The following TBX20 variants were observed in gnomAD, a reference collection of about 807,000 sequenced individuals.
The protein encoded by TBX20 is T-box transcription factor TBX20.
A neutral mutation model predicts 42.9 loss-of-function variants in TBX20; 8 were observed. The ratio of observed to expected loss-of-function variants is 0.19; its 90% CI spans 0.11 to 0.34. The LOEUF (loss-of-function observed/expected upper bound fraction) is 0.34, where lower values mean the gene tolerates loss of function less well. Ranked by LOEUF, TBX20 falls within the 10% of genes least tolerant of loss-of-function variation. TBX20 has a pLI of 1.00. For missense variants in TBX20, 411 were observed against 566.0 expected (o/e 0.73, Z 2.78); for synonymous variants, 198 against 222.8 (o/e 0.89, Z 0.99).
At chr7:35,246,251 T>A (rs1790183666) in intron 3 of TBX20, among the ~76,000 whole-genome samples, 1 of 152,196 alleles carries the variant, frequency 6.6e-6, no homozygotes, top group Admixed American at 6.5e-5. Flanking sequence ...AGAGGAACTG[T>A]AAAGGCTTCA....
intron 6 of TBX20, among the ~76,000 whole-genome samples, chr7:35,215,966 A>C (rs1043504621): frequency 6.6e-6 from 1 of 152,196 alleles, no homozygotes; most frequent in Non-Finnish European, 1.5e-5. Flanking sequence ...AAATTTCTCA[A>C]TGCTCAAAAA....
chr7:35,202,821 T>C (rs1789328333), intron 7 of TBX20, 51 bp from the exon 8 acceptor site: 2 of 1,519,336 alleles, frequency 1.3e-6, no homozygotes, highest in African/African-American at 1.4e-5. Context: ...AATGTACAGA[T>C]CAAGAATTAA....
At chr7:35,244,721 A>G (rs957139474) in intron 4 of TBX20, among the ~76,000 whole-genome samples, 1 of 152,194 alleles carries the variant, frequency 6.6e-6, no homozygotes, top group African/African-American at 2.4e-5. Context: ...GGAACAGAAG[A>G]TCCCTGACCT....
chr7:35,223,794 T>A (rs1350423239), intron 6 of TBX20, among the ~76,000 whole-genome samples: 9 of 152,016 alleles, frequency 5.9e-5, no homozygotes, highest in Non-Finnish European at 2.9e-5. Flanking sequence ...AAAGAGAACA[T>A]ACAAAAGTTT....
At position 35,202,506 on chromosome 7, in the gene TBX20, T is replaced by A; in HGVS notation, c.1268A>T (p.His423Leu). ...AGCATAGGGCCCCTGCTGAAAATAG[T>A]GATGGTATCGCGGCATGTGGAATGA... Reference protein sequence around the residue: ...FPSFHMPRYHHYFQQGPYAAI... With the variant: ...FPSFHMPRYHLYFQQGPYAAI... The change falls in exon 8 of 8, where the codon CAC (histidine) becomes CTC (leucine). Residue 423 changes from histidine (H) to leucine (L), a missense_variant. His to Leu is a moderately conservative substitution (Grantham distance 99, BLOSUM62 -3). Coordinates refer to ENST00000408931, the MANE Select transcript of TBX20 (RefSeq NM_001077653.2). 6.2e-7 allele frequency: 1 copy of A among 1,609,416 alleles called. No individual in the cohort carries two copies. The highest frequency in any genetic ancestry group is 1.7e-5 in the Admixed American group (1 of 59,568).
intron 1 of TBX20, 39 bp downstream of exon 1, chr7:35,253,455 T>C: frequency 6.3e-7 from 1 of 1,592,966 alleles, no homozygotes; most frequent in Non-Finnish European, 8.5e-7. Context: ...ATGCGCAGCA[T>C]CCCCAGTCCT....
At chr7:35,252,348 C>T (rs1790320516) in intron 1 of TBX20, among the ~76,000 whole-genome samples, 1 of 150,712 alleles carries the variant, frequency 6.6e-6, no homozygotes, top group South Asian at 2.1e-4. Context: ...GTGGGAAGAA[C>T]CAGGGGAAGG....
chr7:35,245,348 G>GTGTGTGTGTA (rs1419209151), intron 3 of TBX20, among the ~76,000 whole-genome samples: 1 of 151,654 alleles, frequency 6.6e-6, no homozygotes, highest in Non-Finnish European at 1.5e-5. Flanking sequence ...GTGTGTGTGT[G>GTGTGTGTGTA]TTTTCATCTA....
intron 6 of TBX20, among the ~76,000 whole-genome samples, chr7:35,209,371 T>C (rs1276060410): frequency 1.3e-5 from 2 of 152,178 alleles, no homozygotes; most frequent in Non-Finnish European, 2.9e-5. Context: ...AGAGTATCTG[T>C]TTTCTCTTGA....
At chr7:35,223,504 T>C (rs931838254) in intron 6 of TBX20, among the ~76,000 whole-genome samples, 3 of 151,524 alleles carry the variant, frequency 2.0e-5, no homozygotes, top group African/African-American at 7.3e-5. Context: ...ATGAATGAGA[T>C]GAGGAGGAGC....
chr7:35,227,931 T>C (rs1354830923), intron 6 of TBX20, among the ~76,000 whole-genome samples: 1 of 152,192 alleles, frequency 6.6e-6, no homozygotes, highest in Non-Finnish European at 1.5e-5. Flanking sequence ...CACTGAATTG[T>C]ACACTTTAAA....
At chr7:35,220,320 G>A (rs1390959821) in intron 6 of TBX20, among the ~76,000 whole-genome samples, 2 of 152,130 alleles carry the variant, frequency 1.3e-5, no homozygotes, top group Non-Finnish European at 2.9e-5. Context: ...GGAATCCCAC[G>A]GCAGCCCTCC....
At chr7:35,221,487 C>T (rs1789683640) in intron 6 of TBX20, among the ~76,000 whole-genome samples, 1 of 152,046 alleles carries the variant, frequency 6.6e-6, no homozygotes, top group East Asian at 1.9e-4. Flanking sequence ...TTTGTCCAGA[C>T]AGAGAAGAAA....
chr7:35,229,472 A>G (rs1188893732), intron 6 of TBX20, among the ~76,000 whole-genome samples: 3 of 152,170 alleles, frequency 2.0e-5, no homozygotes, highest in African/African-American at 7.2e-5. Flanking sequence ...ATTTCACACT[A>G]CTTAGGTCAT....
rs1252851978 is a variant in TBX20 at position 35,253,697 on chromosome 7, C to T, written c.-77G>A. 2 of 1,561,902 alleles carry T rather than the reference C, an allele frequency of 1.3e-6. No individual in the cohort carries two copies. The highest frequency in any genetic ancestry group is 1.7e-6 in the Non-Finnish European group (2 of 1,158,264). ...CAGATTCCCCAAGGGAGACAAAGAC[C>T]CGAAACACAGCTCAAAGTTTCCGAG... On this transcript the variant is annotated 5_prime_UTR_variant, in exon 1 of 8. Coordinates refer to ENST00000408931, the MANE Select transcript of TBX20 (RefSeq NM_001077653.2).
rs1336271272 is a variant in TBX20 at position 35,204,555 on chromosome 7, C to T, written c.918G>A (p.Lys306=). ...ERESVESLIQ[K]HSYARSPIRT... is the part of the protein sequence containing the mutation. ...GGATGGGTGAGCGTGCATAGGAATGCTTTTGAATCAGGCTCTCCACACTTT... is the reference window on the plus strand; with the variant it reads ...GGATGGGTGAGCGTGCATAGGAATGTTTTTGAATCAGGCTCTCCACACTTT... Residue 306 remains lysine (K), a synonymous_variant, in exon 7 of 8, where the codon AAG becomes AAA. Transcript: ENST00000408931. 6.2e-7 allele frequency: 1 copy of T among 1,613,870 alleles called. No individual in the cohort carries two copies. Among genetic ancestry groups the T allele is most frequent in the East Asian group, 2.2e-5 (1 of 44,888 alleles).
intron 3 of TBX20, 108 bp downstream of exon 3, chr7:35,248,569 C>A: frequency 7.9e-7 from 1 of 1,269,570 alleles, no homozygotes; most frequent in Non-Finnish European, 1.1e-6. Context: ...TGCTCTCTTG[C>A]CAGAGCCCGC....
intron 5 of TBX20, among the ~76,000 whole-genome samples, chr7:35,235,589 T>C (rs1209218000): frequency 3.3e-5 from 5 of 152,248 alleles, no homozygotes; most frequent in Admixed American, 6.5e-5. Context: ...AGGTTAGTAG[T>C]ATGTGCTTAA....
intron 6 of TBX20, among the ~76,000 whole-genome samples, chr7:35,218,372 A>G (rs1385810042): frequency 6.6e-6 from 1 of 152,090 alleles, no homozygotes; most frequent in East Asian, 1.9e-4. Context: ...CAGGTCTTCT[A>G]CTATTCGTGT....
Sources: gnomAD v4.1 joint callset for allele counts (sites outside exome capture counted in the v4.1 genomes callset) on GRCh38, gnomAD v4.1.1 for gene constraint, MANE v1.5 for transcripts, NCBI Gene and HGNC (gene_info 2026-07-23, HGNC 2026-07-21) for gene names.